NRG1: variants seen among roughly 807,000 people sequenced by gnomAD.
NRG1 encodes pro-neuregulin-1, membrane-bound isoform.
Under a neutral mutation model 63.8 loss-of-function variants are expected in NRG1, and 18 were observed. The observed-to-expected ratio is 0.28, with a 90% confidence interval of 0.19 to 0.42. NRG1 has a LOEUF of 0.42. Among genes scored for constraint, NRG1 ranks in the 10% least tolerant of loss-of-function variants. NRG1 has a pLI of 1.00. For missense variants in NRG1, 762 were observed against 814.7 expected, an observed-to-expected ratio of 0.94 and a Z score of 0.79; for synonymous variants, 302 against 301.3, an observed-to-expected ratio of 1.00 and a Z score of -0.02.
At chr8:32,369,109 T>C (rs558008028) in intron 1 of NRG1, among the ~76,000 whole-genome samples, 25 of 152,364 alleles carry the variant, frequency 1.6e-4, no homozygotes, top group Non-Finnish European at 2.9e-4. Context: ...GATCAAGCCC[T>C]TTGTCTTCAT....
At chr8:31,642,435 TGTTA>T (rs1437354897) in intron 1 of NRG1, among the ~76,000 whole-genome samples, 1 of 152,224 alleles carries the variant, frequency 6.6e-6, no homozygotes, top group Non-Finnish European at 1.5e-5. Context: ...TTATCAATTG[TGTTA>T]GTTATACCTT....
intron 1 of NRG1, among the ~76,000 whole-genome samples, chr8:32,097,865 C>A (rs926738273): frequency 6.6e-6 from 1 of 152,090 alleles, no homozygotes; most frequent in Admixed American, 6.5e-5. Flanking sequence ...AATTTAAAAT[C>A]TATTATGCTT....
intron 7 of NRG1, chr8:32,749,931 CA>C (rs1828350095): frequency 3.9e-6 from 1 of 254,342 alleles, no homozygotes. Flanking sequence ...ATAAAGGATA[CA>C]GGGGAAATCC....
At chr8:32,565,381 C>T (rs1837262332) in intron 1 of NRG1, among the ~76,000 whole-genome samples, 1 of 152,150 alleles carries the variant, frequency 6.6e-6, no homozygotes, top group Non-Finnish European at 1.5e-5. Context: ...CTTTGGCCTC[C>T]CAGTGTTGGG....
chr8:32,236,770 G>A (rs987949556), intron 1 of NRG1, among the ~76,000 whole-genome samples: 2 of 152,210 alleles, frequency 1.3e-5, no homozygotes, highest in African/African-American at 4.8e-5. Context: ...CAGGAGAAAT[G>A]TGGGAATCAC....
chr8:32,549,057 A>C (rs1480342538), intron 1 of NRG1, among the ~76,000 whole-genome samples: 1 of 152,210 alleles, frequency 6.6e-6, no homozygotes, highest in Non-Finnish European at 1.5e-5. Context: ...AAGGGACAGC[A>C]GTCCCGGCCG....
chr8:32,093,919 CTGGATATGA>C (rs1171244320), intron 1 of NRG1, among the ~76,000 whole-genome samples: 1 of 152,218 alleles, frequency 6.6e-6, no homozygotes, highest in East Asian at 1.9e-4. Context: ...ATCTTTCAGC[CTGGATATGA>C]TGCAAAAACA....
intron 1 of NRG1, among the ~76,000 whole-genome samples, chr8:32,214,974 T>C (rs977756807): frequency 6.6e-6 from 1 of 152,258 alleles, no homozygotes; most frequent in African/African-American, 2.4e-5. Context: ...GTCATTGTGA[T>C]AGGTATTTTA....
chr8:32,209,190 C>G (rs1312822257), intron 1 of NRG1, among the ~76,000 whole-genome samples: 1 of 152,112 alleles, frequency 6.6e-6, no homozygotes, highest in African/African-American at 2.4e-5. Context: ...AAATGCGTTT[C>G]TCTCCATGGA....
At chr8:32,426,805 A>G (rs1817434272) in intron 1 of NRG1, among the ~76,000 whole-genome samples, 1 of 152,128 alleles carries the variant, frequency 6.6e-6, no homozygotes, top group Non-Finnish European at 1.5e-5. Context: ...TCTGACATAC[A>G]CCGTAATGTC....
intron 1 of NRG1, among the ~76,000 whole-genome samples, chr8:32,236,465 A>G (rs1317929830): frequency 6.6e-6 from 1 of 152,188 alleles, no homozygotes; most frequent in Non-Finnish European, 1.5e-5. Flanking sequence ...GATGAGTAGT[A>G]GTATTACCCT....
At chr8:32,214,515 C>T (rs1227148549) in intron 1 of NRG1, among the ~76,000 whole-genome samples, 1 of 151,576 alleles carries the variant, frequency 6.6e-6, no homozygotes, top group Non-Finnish European at 1.5e-5. Flanking sequence ...TGATGGTGCA[C>T]CCCTGCAGTC....
At chr8:31,748,835 A>C (rs1053965484) in intron 1 of NRG1, among the ~76,000 whole-genome samples, 6 of 151,936 alleles carry the variant, frequency 3.9e-5, no homozygotes, top group Admixed American at 2.0e-4. Flanking sequence ...TAACCCATAC[A>C]TCAGACAGAA....
intron 5 of NRG1, among the ~76,000 whole-genome samples, chr8:32,638,714 A>C (rs1052534468): frequency 6.6e-6 from 1 of 152,208 alleles, no homozygotes. Context: ...TGGAGGTCAA[A>C]TCATAAGATA....
At chr8:32,464,043 C>A (rs573916789) in intron 1 of NRG1, among the ~76,000 whole-genome samples, 1 of 151,230 alleles carries the variant, frequency 6.6e-6, no homozygotes, top group African/African-American at 2.4e-5. Context: ...CAGGTGCCTG[C>A]CACCATGACC....
At chr8:32,039,422 G>T (rs1431394065) in intron 1 of NRG1, among the ~76,000 whole-genome samples, 1 of 152,264 alleles carries the variant, frequency 6.6e-6, no homozygotes, top group Non-Finnish European at 1.5e-5. Context: ...TGTTTGCTTA[G>T]TCTCTCAGAT....
intron 1 of NRG1, among the ~76,000 whole-genome samples, chr8:32,366,344 C>T (rs7009250): frequency 0.14 from 21,072 of 151,814 alleles, 1,756 homozygotes; most frequent in Middle Eastern, 0.21. Context: ...TCTTCATCTG[C>T]CCCCCACCTC....
At chr8:31,919,805 G>T (rs1239853298) in intron 1 of NRG1, among the ~76,000 whole-genome samples, 1 of 152,042 alleles carries the variant, frequency 6.6e-6, no homozygotes, top group Non-Finnish European at 1.5e-5. Context: ...AAGTCTGTGT[G>T]CCCATACATT....
intron 5 of NRG1, among the ~76,000 whole-genome samples, chr8:32,665,099 T>G (rs1377073715): frequency 6.6e-6 from 1 of 152,202 alleles, no homozygotes; most frequent in Non-Finnish European, 1.5e-5. Context: ...TGTTTGTTGC[T>G]GATGAATGAA....
Sources: allele counts gnomAD v4.1 joint callset (sites outside exome capture counted in the v4.1 genomes callset), GRCh38; gene constraint gnomAD v4.1.1; transcripts MANE v1.5; gene names NCBI Gene and HGNC (gene_info 2026-07-23, HGNC 2026-07-21).